Variants in RRM2 observed in about 807,000 individuals in gnomAD.
The protein encoded by RRM2 is ribonucleotide reductase regulatory subunit M2, also known as ribonucleoside-diphosphate reductase subunit M2.
A neutral mutation model predicts 45.9 loss-of-function variants in RRM2; 6 were observed. That is an observed-to-expected ratio of 0.13 (90% CI 0.07 to 0.26). RRM2 has a LOEUF of 0.26. Among genes scored for constraint, RRM2 ranks in the 10% least tolerant of loss-of-function variants. The pLI is 1.00. For synonymous variants in RRM2, 177 were observed against 173.0 expected, an observed-to-expected ratio of 1.02 and a Z score of -0.18; for missense variants, 343 against 489.5, an observed-to-expected ratio of 0.70 and a Z score of 2.82.
chr2:10,180,140 C>T (rs942610880), intron 3 of RRM2, among the ~76,000 whole-genome samples: 2 of 152,168 alleles, frequency 1.3e-5, no homozygotes, highest in African/African-American at 4.8e-5. Context: ...CATCTGGCTC[C>T]GGACATACTG....
chr2:10,198,509 C>G (rs1664462312), intron 3 of RRM2: 1 of 151,966 alleles, frequency 6.6e-6, no homozygotes, highest in Non-Finnish European at 1.5e-5. Flanking sequence ...CTCAAGCAAT[C>G]CTCCAGCTTC....
chr2:10,154,853 T>C (rs1663394214), intron 3 of RRM2, among the ~76,000 whole-genome samples: 1 of 151,886 alleles, frequency 6.6e-6, no homozygotes, highest in East Asian at 1.9e-4. Context: ...TGCGCCACCA[T>C]GCCTGGCTAA....
chr2:10,174,178 C>A (rs1663866197), intron 3 of RRM2, among the ~76,000 whole-genome samples: 1 of 152,198 alleles, frequency 6.6e-6, no homozygotes, highest in Admixed American at 6.5e-5. Context: ...CAGGAGGAGC[C>A]CTTACTGGAC....
At chr2:10,128,816 T>G (rs1662838069) in intron 7 of RRM2, 32 bp from the exon 8 acceptor site, 2 of 1,456,648 alleles carry the variant, frequency 1.4e-6, no homozygotes, top group East Asian at 4.5e-5. Context: ...AGAAGTCTTC[T>G]GGCTTTAGTG....
intron 3 of RRM2, among the ~76,000 whole-genome samples, chr2:10,151,577 C>T (rs757514984): frequency 2.6e-5 from 4 of 152,204 alleles, no homozygotes; most frequent in Non-Finnish European, 4.4e-5. Context: ...GGATCACAGG[C>T]GTGAGCCACC....
chr2:10,124,017 T>C (rs1044748858), intron 4 of RRM2, 165 bp downstream of exon 4: 1 of 645,212 alleles, frequency 1.5e-6, no homozygotes, highest in African/African-American at 1.8e-5. Context: ...TGCAGTTCTT[T>C]CTTATGGTAT....
At chr2:10,148,597 A>G (rs917720253) in intron 3 of RRM2, among the ~76,000 whole-genome samples, 1 of 152,094 alleles carries the variant, frequency 6.6e-6, no homozygotes, top group Non-Finnish European at 1.5e-5. Flanking sequence ...CCCTTTATGA[A>G]TTGATGTTTT....
chr2:10,182,931 A>G (rs746342681), intron 3 of RRM2, among the ~76,000 whole-genome samples: 37 of 152,214 alleles, frequency 2.4e-4, no homozygotes, highest in Non-Finnish European at 5.3e-4. Context: ...TGATCCCAAC[A>G]CTTTGAGAGG....
chr2:10,122,950 A>C (rs767726987), intron 1 of RRM2, 33 bp from the exon 2 acceptor site: 4 of 1,546,742 alleles, frequency 2.6e-6, no homozygotes, highest in Non-Finnish European at 3.5e-6. Flanking sequence ...GGGAAAGCGA[A>C]GCCGCTCCTC....
At chr2:10,210,803 A>C in exon 4 of RRM2, 1 of 376,470 alleles carries the variant, frequency 2.7e-6, no homozygotes. Context: ...CAGGAGGTGG[A>C]GCCTTTGGGA....
At chr2:10,125,481 G>A (rs1211552141) in intron 5 of RRM2, among the ~76,000 whole-genome samples, 1 of 152,070 alleles carries the variant, frequency 6.6e-6, no homozygotes, top group East Asian at 1.9e-4. Flanking sequence ...TGAAGCGGGC[G>A]GACAATGAGG....
At chr2:10,137,757 G>C (rs1480866533), upstream of RRM2, among the ~76,000 whole-genome samples, 1 of 152,194 alleles carries the variant, frequency 6.6e-6, no homozygotes, top group Non-Finnish European at 1.5e-5. Context: ...CAGCTGCCTG[G>C]GTGAGGTCTT....
At chr2:10,122,612 G>T (rs973556080), upstream of RRM2, 4 of 1,515,560 alleles carry the variant, frequency 2.6e-6, no homozygotes, top group Non-Finnish European at 3.6e-6. Context: ...GGGGCAAGGC[G>T]CAGCCAATGG....
downstream of RRM2, among the ~76,000 whole-genome samples, chr2:10,136,377 T>G (rs992451685): frequency 5.9e-5 from 9 of 152,140 alleles, no homozygotes; most frequent in African/African-American, 1.9e-4. Context: ...CTGTGCAGGG[T>G]GCTGTCCTTC....
intron 3 of RRM2, among the ~76,000 whole-genome samples, chr2:10,151,370 T>A (rs1044698377): frequency 2.0e-5 from 3 of 150,406 alleles, no homozygotes; most frequent in African/African-American, 7.4e-5. Flanking sequence ...CGATCTTGGC[T>A]CACTACAGCC....
chr2:10,155,258 G>A (rs192442427), intron 3 of RRM2: 41 of 199,544 alleles, frequency 2.1e-4, no homozygotes, highest in East Asian at 1.6e-3. Flanking sequence ...TGTGAAAATG[G>A]TTAGATAAAT....
In RRM2 at chr2:10,171,139, A is replaced by AGGCATC. The variant is rs1014662045; in HGVS notation, n.482+28766_482+28771dup. ...AGGCTGCGGGGCCTGCACAGACCCC[A>AGGCATC]GGCATCGAGCCTGCGATGGGGCAAC... On this transcript the variant is annotated intron_variant and non_coding_transcript_variant, in intron 3 of 3. Coordinates refer to the RRM2 transcript ENST00000381786. This position sits in a 1 kb window ranked among gnomAD's most constrained non-coding sequence, Gnocchi z 4.1. Among the ~76,000 whole-genome samples the AGGCATC allele has an allele frequency of 2.0e-5, 3 of 152,206 alleles. No individual in the cohort carries two copies. The highest frequency in any genetic ancestry group is 7.2e-5 in the African/African-American group (3 of 41,454).
At chr2:10,173,836 G>A (rs565622032) in intron 3 of RRM2, among the ~76,000 whole-genome samples, 14 of 152,348 alleles carry the variant, frequency 9.2e-5, no homozygotes, top group Middle Eastern at 3.4e-3. Context: ...TTGGCCTGGC[G>A]CGGGCTGATT....
chr2:10,164,865 C>T (rs949281069), intron 3 of RRM2, among the ~76,000 whole-genome samples: 7 of 152,168 alleles, frequency 4.6e-5, no homozygotes, highest in Admixed American at 1.3e-4. Context: ...GCCAGGCGCA[C>T]GGGGGAAGGC....
Sources: gnomAD v4.1 joint callset for allele counts (sites outside exome capture counted in the v4.1 genomes callset) on GRCh38, gnomAD v4.1.1 for gene constraint, Gnocchi (gnomAD v3.1) non-coding constraint, MANE v1.5 for transcripts, NCBI Gene and HGNC (gene_info 2026-07-23, HGNC 2026-07-21) for gene names.